Variants in RAB33A observed in about 807,000 individuals in gnomAD.
RAB33A encodes the protein RAB33A, member RAS oncogene family, also known as ras-related protein Rab-33A.
Under a neutral mutation model 12.0 loss-of-function variants are expected in RAB33A, and 6 were observed. That is an observed-to-expected ratio of 0.50 (90% confidence interval 0.27 to 0.99). The LOEUF (loss-of-function observed/expected upper bound fraction) is 0.99. Among genes scored for constraint, RAB33A ranks in the 50% least tolerant of loss-of-function variants. The probability of loss-of-function intolerance (pLI) is 0.11; values close to 1 mark genes in which losing one functional copy is unlikely to be tolerated. For missense variants in RAB33A, 109 were observed against 192.0 expected (o/e 0.57, Z 2.55); for synonymous variants, 70 against 82.4 (o/e 0.85, Z 0.81).
chrX:130,178,808 C>T (rs908061838), intron 1 of RAB33A, among the ~76,000 whole-genome samples: 1 of 108,684 alleles, frequency 9.2e-6, no homozygotes. Context: ...TCCACCACCA[C>T]GCCCAGCTAA....
chrX:130,178,431 C>T (rs868812306), intron 1 of RAB33A, among the ~76,000 whole-genome samples: 2 of 109,303 alleles, frequency 1.8e-5, no homozygotes, highest in African/African-American at 6.7e-5. Context: ...GAATTTGAGA[C>T]CAGCCTGGGC....
At chrX:130,163,136 C>T in the RAB33A span, among the ~76,000 whole-genome samples, 2,302 of 109,203 alleles carry the variant, frequency 0.021, 28 homozygotes, top group Non-Finnish European at 0.032. Flanking sequence ...TGGTGAAACC[C>T]CGTCTCTACT....
At chrX:130,168,939 G>A (rs902153601), upstream of RAB33A, among the ~76,000 whole-genome samples, 1 of 110,965 alleles carries the variant, frequency 9.0e-6, no homozygotes, top group East Asian at 2.8e-4. Context: ...CGGGCACGGT[G>A]GCTCATGCCT....
the RAB33A span, among the ~76,000 whole-genome samples, chrX:130,116,244 C>T: frequency 2.8e-5 from 3 of 107,910 alleles, no homozygotes; most frequent in African/African-American, 1.0e-4. Flanking sequence ...CTCAGCCTCC[C>T]GAGTAGCTGG....
At chrX:130,136,836 G>T in the RAB33A span, 1 of 1,023,011 alleles carries the variant, frequency 9.8e-7, no homozygotes. Flanking sequence ...CCAATTATCA[G>T]TACACAGGCA....
chrX:130,160,216 A>C, the RAB33A span, among the ~76,000 whole-genome samples: 1 of 111,546 alleles, frequency 9.0e-6, no homozygotes, highest in Non-Finnish European at 1.9e-5. Context: ...CCCCCTCCCC[A>C]CATTTTCTTT....
chrX:130,149,534 T>C, the RAB33A span: 2 of 1,209,451 alleles, frequency 1.7e-6, no homozygotes, highest in Non-Finnish European at 1.1e-6. Flanking sequence ...TCTTTCATTG[T>C]ATCTTTTTTC....
the RAB33A span, among the ~76,000 whole-genome samples, chrX:130,161,727 C>A: frequency 3.7e-5 from 4 of 107,103 alleles, no homozygotes; most frequent in African/African-American, 1.4e-4. Context: ...CCTGCCTCAG[C>A]CTCCCGAGTA....
chrX:130,145,994 A>C, the RAB33A span, among the ~76,000 whole-genome samples: 5 of 112,378 alleles, frequency 4.4e-5, no homozygotes, highest in Non-Finnish European at 9.4e-5. Context: ...AAGTAAGAAC[A>C]AGTGGAGCAC....
At position 130,172,327 on chromosome X, in the gene RAB33A, CA is replaced by C; in HGVS notation, c.258+8del. The C allele has an allele frequency of 8.4e-7, 1 of 1,194,020 alleles. No individual in the cohort carries two copies. Among genetic ancestry groups the C allele is most frequent in the East Asian group, 3.0e-5 (1 of 33,689 alleles). ...CGAGGGCGAGAAGATCAAGGTGATCCAGGGGGTCAGGTCCAGGAAGGGTGGG... is the reference window on the plus strand; with the variant it reads ...CGAGGGCGAGAAGATCAAGGTGATCCGGGGGTCAGGTCCAGGAAGGGTGGG... On this transcript the variant is annotated splice_region_variant and intron_variant, in intron 1 of 1. Coordinates refer to ENST00000257017, the MANE Select transcript of RAB33A (RefSeq NM_004794.3).
rs779563953 is a variant in RAB33A, at chrX:130,172,077, C to A, written c.15C>A (p.Ile5=). 8.3e-7 allele frequency: 1 copy of A among 1,209,293 alleles called. No individual in the cohort carries two copies. Among genetic ancestry groups the A allele is most frequent in the East Asian group, 3.0e-5 (1 of 33,718 alleles). Residue 5 remains isoleucine (I), a synonymous_variant, in exon 1 of 2, where the codon ATC becomes ATA. Transcript: ENST00000257017. MAQP[I]LGHGSLQPAS... Reference sequence around the variant, plus strand: ...GTCCGGGGGAGATGGCGCAGCCCATCCTGGGCCATGGGAGCCTGCAGCCCG... The same window carrying A: ...GTCCGGGGGAGATGGCGCAGCCCATACTGGGCCATGGGAGCCTGCAGCCCG...
the RAB33A span, chrX:130,137,645 C>G: frequency 4.5e-6 from 5 of 1,115,111 alleles, no homozygotes; most frequent in Non-Finnish European, 5.9e-6. Flanking sequence ...CAGGAAGCAG[C>G]AGTTCAAAGA....
At chrX:130,130,088 G>A in the RAB33A span, 1 of 1,211,810 alleles carries the variant, frequency 8.3e-7, no homozygotes, top group Non-Finnish European at 1.1e-6. Context: ...GGGAGCCTGT[G>A]GAACTGCCGG....
At chrX:130,155,403 G>T in the RAB33A span, 1 of 881,432 alleles carries the variant, frequency 1.1e-6, no homozygotes. Context: ...TGCTAAAAAA[G>T]GAAAAAGAAA....
chrX:130,133,893 A>G, the RAB33A span, among the ~76,000 whole-genome samples: 1 of 109,710 alleles, frequency 9.1e-6, no homozygotes, highest in Non-Finnish European at 1.9e-5. Context: ...CAGCCTTCCA[A>G]AGTGCTGGGA....
At chrX:130,183,541 C>T (rs781608815) in intron 1 of RAB33A, among the ~76,000 whole-genome samples, 7 of 108,453 alleles carry the variant, frequency 6.5e-5, no homozygotes, top group South Asian at 4.0e-4. Context: ...GGTGACAGAG[C>T]GAGACACGGT....
the RAB33A span, among the ~76,000 whole-genome samples, chrX:130,121,483 T>A: frequency 9.0e-6 from 1 of 110,818 alleles, no homozygotes; most frequent in Non-Finnish European, 1.9e-5. Flanking sequence ...ACTCCTGACC[T>A]CAGGTGATCC....
the RAB33A span, among the ~76,000 whole-genome samples, chrX:130,149,082 T>C: frequency 9.3e-6 from 1 of 107,910 alleles, no homozygotes; most frequent in Non-Finnish European, 1.9e-5. Context: ...CCACCACGCC[T>C]GGCTAATTTT....
At chrX:130,164,135 TCCA>T in the RAB33A span, among the ~76,000 whole-genome samples, 1 of 96,758 alleles carries the variant, frequency 1.0e-5, no homozygotes, top group Non-Finnish European at 2.0e-5. Context: ...GCCACTGCAC[TCCA>T]GCCTGGGCGA....
Sources: gnomAD v4.1 joint callset for allele counts (sites outside exome capture counted in the v4.1 genomes callset) on GRCh38, gnomAD v4.1.1 for gene constraint, MANE v1.5 for transcripts, NCBI Gene and HGNC (gene_info 2026-07-23, HGNC 2026-07-21) for gene names.